The following ASTN2 variants were observed in gnomAD, a reference collection of about 807,000 sequenced individuals.
ASTN2 encodes the protein astrotactin-2.
Under a neutral mutation model 139.8 loss-of-function variants are expected in ASTN2, and 54 were observed. The ratio of observed to expected loss-of-function variants is 0.39; its 90% CI spans 0.31 to 0.48. The LOEUF (loss-of-function observed/expected upper bound fraction) is 0.48, where lower values mean the gene tolerates loss of function less well. Among genes scored for constraint, ASTN2 ranks in the 20% least tolerant of loss-of-function variants. The pLI, the probability that ASTN2 is intolerant of heterozygous loss-of-function variation, is 0.95. For synonymous variants in ASTN2, 756 were observed against 719.5 expected (o/e 1.05, Z -0.81); for missense variants, 1,565 against 1,725.1 (o/e 0.91, Z 1.64).
chr9:116,570,854 T>C (rs1295494944), intron 19 of ASTN2, among the ~76,000 whole-genome samples: 1 of 152,240 alleles, frequency 6.6e-6, no homozygotes, highest in Non-Finnish European at 1.5e-5. Flanking sequence ...TGCTGAATCC[T>C]GTACCATCCT....
chr9:116,449,562 C>T (rs185094257), intron 20 of ASTN2, among the ~76,000 whole-genome samples: 2 of 152,244 alleles, frequency 1.3e-5, no homozygotes, highest in East Asian at 3.9e-4. Context: ...AATAATTCAT[C>T]TCTTCTATAA....
intron 4 of ASTN2, among the ~76,000 whole-genome samples, chr9:117,102,722 G>A (rs754917568): frequency 9.9e-5 from 15 of 151,902 alleles, no homozygotes; most frequent in Non-Finnish European, 1.6e-4. Context: ...GGGATTCACC[G>A]TGTTGGCCAG....
chr9:117,369,592 T>C (rs1187622986), intron 1 of ASTN2, among the ~76,000 whole-genome samples: 2 of 152,120 alleles, frequency 1.3e-5, no homozygotes, highest in Non-Finnish European at 2.9e-5. Flanking sequence ...CTGTCTACTA[T>C]CTATTATCTG....
At chr9:117,303,591 G>C (rs1034514184) in intron 1 of ASTN2, among the ~76,000 whole-genome samples, 2 of 152,142 alleles carry the variant, frequency 1.3e-5, no homozygotes, top group African/African-American at 2.4e-5. Flanking sequence ...TCTCTGCTCT[G>C]TCATTCCTCC....
chr9:116,620,221 C>A, intron 18 of ASTN2, 89 bp downstream of exon 18: 1 of 1,585,564 alleles, frequency 6.3e-7, no homozygotes, highest in Non-Finnish European at 8.6e-7. Context: ...ACCTTGGGAG[C>A]AGAAGCAAGT....
intron 2 of ASTN2, among the ~76,000 whole-genome samples, chr9:117,270,734 T>G (rs1424885688): frequency 1.3e-5 from 2 of 152,222 alleles, no homozygotes; most frequent in Non-Finnish European, 1.5e-5. Flanking sequence ...AATACCTAAT[T>G]GTTTTCAGGA....
intron 19 of ASTN2, among the ~76,000 whole-genome samples, chr9:116,609,302 CT>C (rs1444966464): frequency 3.1e-4 from 10 of 31,976 alleles, no homozygotes; most frequent in Admixed American, 9.9e-4. Context: ...AAGGATCTCT[CT>C]CTCTCTCTCT....
At chr9:116,491,728 G>A (rs117638179) in intron 19 of ASTN2, among the ~76,000 whole-genome samples, 2,808 of 152,278 alleles carry the variant, frequency 0.018, 34 homozygotes, top group Middle Eastern at 0.068. Context: ...AGAAAGGCAT[G>A]GGGGCTTCTC....
intron 13 of ASTN2, among the ~76,000 whole-genome samples, chr9:116,767,638 T>C (rs769822093): frequency 9.9e-5 from 15 of 152,178 alleles, no homozygotes; most frequent in African/African-American, 2.9e-4. Context: ...TGGCCATGCA[T>C]GGACCTTGCT....
At chr9:116,437,627 A>T (rs926985371) in intron 22 of ASTN2, 1 of 469,570 alleles carries the variant, frequency 2.1e-6, no homozygotes, top group Admixed American at 2.3e-5. Context: ...GCTGTGGTTT[A>T]GCTTCCACAC....
At chr9:116,604,460 C>A (rs557249615) in intron 19 of ASTN2, among the ~76,000 whole-genome samples, 1 of 152,250 alleles carries the variant, frequency 6.6e-6, no homozygotes, top group South Asian at 2.1e-4. Flanking sequence ...CACCCCCACC[C>A]CCCAATTCTA....
intron 11 of ASTN2, among the ~76,000 whole-genome samples, chr9:116,841,971 C>T (rs1018225026): frequency 6.6e-6 from 1 of 152,160 alleles, no homozygotes; most frequent in Non-Finnish European, 1.5e-5. Flanking sequence ...TTGGGTCATA[C>T]AGCAAGCAAG....
At chr9:116,809,069 T>A (rs1831100693) in intron 12 of ASTN2, among the ~76,000 whole-genome samples, 1 of 152,162 alleles carries the variant, frequency 6.6e-6, no homozygotes, top group Non-Finnish European at 1.5e-5. Context: ...ATATTAAAAT[T>A]TTTTTCCAGT....
intron 10 of ASTN2, among the ~76,000 whole-genome samples, chr9:116,893,437 A>T (rs1833811287): frequency 6.6e-6 from 1 of 152,050 alleles, no homozygotes; most frequent in South Asian, 2.1e-4. Context: ...GATTCTGCCC[A>T]CTCTAAAGCA....
At chr9:116,858,821 A>G (rs2132333570) in intron 11 of ASTN2, among the ~76,000 whole-genome samples, 1 of 152,312 alleles carries the variant, frequency 6.6e-6, no homozygotes, top group East Asian at 1.9e-4. Context: ...TATTTACTGT[A>G]TCACCCTCCT....
At chr9:117,052,917 C>T (rs1043816847) in intron 5 of ASTN2, among the ~76,000 whole-genome samples, 1 of 152,118 alleles carries the variant, frequency 6.6e-6, no homozygotes, top group Non-Finnish European at 1.5e-5. Context: ...AAGAGAATAA[C>T]CAGGATTGGA....
intron 11 of ASTN2, among the ~76,000 whole-genome samples, chr9:116,844,738 G>C (rs549961908): frequency 6.6e-6 from 1 of 152,190 alleles, no homozygotes; most frequent in South Asian, 2.1e-4. Context: ...AATATTTTTG[G>C]AATGTAATAA....
chr9:116,931,076 A>G (rs1834882882), intron 10 of ASTN2, among the ~76,000 whole-genome samples: 1 of 152,070 alleles, frequency 6.6e-6, no homozygotes, highest in African/African-American at 2.4e-5. Context: ...GCAGCTCTCC[A>G]ACATGCCACG....
intron 11 of ASTN2, among the ~76,000 whole-genome samples, chr9:116,847,372 C>A (rs1832471175): frequency 6.6e-6 from 1 of 152,140 alleles, no homozygotes; most frequent in African/African-American, 2.4e-5. Flanking sequence ...CCTTTGCCTC[C>A]CAAAGTGCTG....
Sources: allele counts gnomAD v4.1 joint callset (sites outside exome capture counted in the v4.1 genomes callset), GRCh38; gene constraint gnomAD v4.1.1; transcripts MANE v1.5; gene names NCBI Gene and HGNC (gene_info 2026-07-23, HGNC 2026-07-21).